The following CCDC81 variants were observed in gnomAD, a reference collection of about 807,000 sequenced individuals.
CCDC81 encodes the protein coiled-coil domain containing 81.
In CCDC81, 79 loss-of-function variants were observed where a neutral mutation model predicts 83.7. That is an observed-to-expected ratio of 0.94 (90% CI 0.79 to 1.14). CCDC81 has a LOEUF of 1.14. Ranked by LOEUF, CCDC81 falls within the 50% of genes most tolerant of loss-of-function variation. The pLI, the probability that CCDC81 is intolerant of heterozygous loss-of-function variation, is 0.00. For missense variants in CCDC81, 791 were observed against 778.1 expected, an observed-to-expected ratio of 1.02 and a Z score of -0.20; for synonymous variants, 252 against 278.1, an observed-to-expected ratio of 0.91 and a Z score of 0.93.
chr11:86,415,423 G>A (rs1393956118), intron 13 of CCDC81, 110 bp downstream of exon 13: 1 of 806,092 alleles, frequency 1.2e-6, no homozygotes, highest in African/African-American at 1.7e-5. Flanking sequence ...TACAATAGTG[G>A]AGAAATAAGA....
At position 86,422,857 on chromosome 11, in the gene CCDC81, C is replaced by G. The variant is rs764348450; in HGVS notation, c.*142C>G. 4 of 819,376 alleles carry G rather than the reference C, an allele frequency of 4.9e-6. No individual in the cohort carries two copies. The highest frequency in any genetic ancestry group is 7.5e-6 in the Non-Finnish European group (4 of 531,884). 50.8% of individuals were successfully genotyped at this position (819,376 alleles called of 1,614,324 possible). On this transcript the variant is annotated 3_prime_UTR_variant, in exon 15 of 15. Coordinates refer to ENST00000445632, the MANE Select transcript of CCDC81 (RefSeq NM_001156474.2). ...TGCTTTCATTAGATTGCTTGTTAAG[C>G]CCTTATTGAATTCACTCCTGCTTTC... is the stretch of plus-strand genomic sequence containing the variant.
chr11:86,375,792 T>C (rs1948091130), intron 1 of CCDC81, among the ~76,000 whole-genome samples: 3 of 152,198 alleles, frequency 2.0e-5, no homozygotes, highest in Non-Finnish European at 4.4e-5. Flanking sequence ...GCATCGTTTG[T>C]AGAAGAGTCA....
chr11:86,385,439 C>A (rs1948229315), intron 1 of CCDC81, among the ~76,000 whole-genome samples: 1 of 152,036 alleles, frequency 6.6e-6, no homozygotes, highest in South Asian at 2.1e-4. Flanking sequence ...TTCCAGAACA[C>A]AGTAGATAAG....
chr11:86,388,062 C>T (rs1011714272), intron 3 of CCDC81, among the ~76,000 whole-genome samples: 2 of 152,158 alleles, frequency 1.3e-5, no homozygotes, highest in African/African-American at 4.8e-5. Flanking sequence ...AGATAACTGT[C>T]TTTCTATCAT....
intron 6 of CCDC81, among the ~76,000 whole-genome samples, chr11:86,399,278 C>T (rs897153597): frequency 6.6e-6 from 1 of 152,332 alleles, no homozygotes; most frequent in Admixed American, 6.5e-5. Context: ...TCATCTCCCA[C>T]TGTGCCCTAT....
chr11:86,386,767 A>T (rs1297801987), intron 2 of CCDC81, among the ~76,000 whole-genome samples: 1 of 152,166 alleles, frequency 6.6e-6, no homozygotes, highest in African/African-American at 2.4e-5. Flanking sequence ...AAAATCATAT[A>T]ATGTTTTGGA....
Position 86,415,264 on chromosome 11 carries a change from C to A in CCDC81, c.1642C>A (p.Leu548Ile), listed in dbSNP as rs1333943687. The A allele has an allele frequency of 1.2e-6, 2 of 1,614,178 alleles. No homozygotes were observed. The highest frequency in any genetic ancestry group is 2.2e-5 in the South Asian group (2 of 91,080). Residue 548 changes from leucine (L) to isoleucine (I), a missense_variant, in exon 13 of 15, where the codon CTA becomes ATA. By Grantham distance (5) the Leu-to-Ile change is conservative. Coordinates refer to ENST00000445632, the MANE Select transcript of CCDC81 (RefSeq NM_001156474.2). The stretch of plus-strand genomic sequence containing the variant: ...CAAGAGGAAAGCCATCCTGCATCAA[C>A]TAGTGGACCAGAGGCGGGATTTGCA... ...NHKRKAILHQ[L>I]VDQRRDLQML...
chr11:86,418,864 G>GT (rs894109885), intron 13 of CCDC81, among the ~76,000 whole-genome samples: 1 of 151,468 alleles, frequency 6.6e-6, no homozygotes, highest in Non-Finnish European at 1.5e-5. Context: ...TTTGTTATGT[G>GT]TTTTTTTAAA....
chr11:86,395,279 G>C (rs1948389257), intron 4 of CCDC81, 55 bp from the exon 5 acceptor site: 6 of 1,423,296 alleles, frequency 4.2e-6, no homozygotes, highest in Non-Finnish European at 5.9e-6. Flanking sequence ...TTTTTAATTT[G>C]TCTGAGTCCT....
chr11:86,412,246 C>G (rs976586439), intron 10 of CCDC81, 141 bp from the exon 11 acceptor site: 1 of 642,282 alleles, frequency 1.6e-6, no homozygotes. Flanking sequence ...TGTGTTACCT[C>G]AACACCAGCT....
intron 1 of CCDC81, among the ~76,000 whole-genome samples, chr11:86,378,873 C>G (rs1948134831): frequency 6.6e-6 from 1 of 152,096 alleles, no homozygotes; most frequent in Non-Finnish European, 1.5e-5. Flanking sequence ...GATTGGGTTT[C>G]TTTTAGACAA....
intron 10 of CCDC81, among the ~76,000 whole-genome samples, chr11:86,410,925 C>T (rs1948634042): frequency 6.6e-6 from 1 of 152,208 alleles, no homozygotes; most frequent in Non-Finnish European, 1.5e-5. Flanking sequence ...TTTAATGTTG[C>T]CACACTGAAA....
rs545045634 is a variant in CCDC81 at position 86,386,092 on chromosome 11, C to T, written c.121C>T (p.Arg41Trp). The T allele has an allele frequency of 1.2e-4, 178 of 1,488,730 alleles. 2 individuals carry two copies. In the South Asian group the frequency reaches 1.4e-3, roughly 12 times the overall value. The allele number at this position is 1,488,730 out of a possible 1,614,324, so 92.2% of individuals were successfully genotyped here. The change falls in exon 2 of 15, where the codon CGG (arginine) becomes TGG (tryptophan). Residue 41 changes from arginine to tryptophan, a missense_variant. Arg to Trp is a moderately radical substitution (Grantham distance 101). Transcript: ENST00000445632. ...IWGNVSEFVRRQLTLHKGVQI... is the reference protein window; with the variant it reads ...IWGNVSEFVRWQLTLHKGVQI... The stretch of plus-strand genomic sequence containing the variant: ...GGGGAATGTATCAGAATTTGTGAGA[C>T]GGCAGTTAACCCTGCACAAGGTAAG...
Position 86,422,617 on chromosome 11 carries a change from C to A in CCDC81, c.1861C>A (p.Arg621=). The change falls in exon 15 of 15, where the codon CGG becomes AGG. Residue 621 remains arginine (R), a synonymous_variant. Transcript: ENST00000445632. The part of the protein sequence containing the change: ...LFLLDQCEKY[R]RCKQCQRRTS... ...TCTCCTAGACCAGTGTGAGAAGTATCGGCGCTGCAAGCAATGCCAGAGGCG... is the reference window on the plus strand; with the variant it reads ...TCTCCTAGACCAGTGTGAGAAGTATAGGCGCTGCAAGCAATGCCAGAGGCG... 1 of 1,613,860 alleles carries A rather than the reference C, an allele frequency of 6.2e-7. No individual in the cohort carries two copies.
rs781043212 is a variant in CCDC81 at position 86,422,541 on chromosome 11, C to A, written c.1818-33C>A. The stretch of plus-strand genomic sequence containing the variant: ...GTTGGGCCTCCAGGAACTCCAGGAA[C>A]CTGCTGATCGGCATTTGCTCTCCTC... On this transcript the variant is annotated intron_variant, in intron 14 of 14. Coordinates refer to ENST00000445632, the MANE Select transcript of CCDC81 (RefSeq NM_001156474.2). 3 of 1,596,184 alleles carry A rather than the reference C, an allele frequency of 1.9e-6. No individual in the cohort carries two copies. The Admixed American group carries it at 5.1e-5, about 27-fold the overall frequency.
rs571689004 is a variant in CCDC81 at position 86,402,796 on chromosome 11, T to C, written c.881+1995T>C. 1.4e-4 allele frequency among the ~76,000 whole-genome samples: 22 copies of C among 152,224 alleles called. No homozygotes were observed. In the South Asian group the frequency reaches 4.6e-3, roughly 32 times the overall value. The stretch of plus-strand genomic sequence containing the variant: ...GCAAAGTGAAATGATGGTATTTCAT[T>C]ATTGTTTTTAACCTATGTTTGTTTG... On this transcript the variant is annotated intron_variant, in intron 7 of 14. Coordinates refer to ENST00000445632, the MANE Select transcript of CCDC81 (RefSeq NM_001156474.2).
At chr11:86,388,036 G>A (rs1304292028) in intron 3 of CCDC81, among the ~76,000 whole-genome samples, 1 of 152,184 alleles carries the variant, frequency 6.6e-6, no homozygotes, top group African/African-American at 2.4e-5. Context: ...ACTACAGTCA[G>A]TATCAGCTGT....
In CCDC81 at chr11:86,374,964, G is replaced by C. The variant is rs981114673; in HGVS notation, c.-200G>C. Reference sequence around the variant, plus strand: ...AGCCAGAGCAGTGGGGAGGGACGGCGAGAACCAATGTTTAAGTTTATTTAA... The same window carrying C: ...AGCCAGAGCAGTGGGGAGGGACGGCCAGAACCAATGTTTAAGTTTATTTAA... On this transcript the variant is annotated 5_prime_UTR_variant, in exon 1 of 15. Coordinates refer to ENST00000445632, the MANE Select transcript of CCDC81 (RefSeq NM_001156474.2). 2.6e-5 allele frequency: 15 copies of C among 575,376 alleles called. No homozygotes were observed. The highest frequency in any genetic ancestry group is 1.5e-4 in the Admixed American group (6 of 38,964). 35.6% of individuals were successfully genotyped at this position (575,376 alleles called of 1,614,324 possible). A position where few individuals can be genotyped will look rare whatever the true frequency, so the allele number is the denominator to read the frequency against.
intron 1 of CCDC81, among the ~76,000 whole-genome samples, chr11:86,383,902 T>C (rs1376743959): frequency 6.6e-6 from 1 of 152,234 alleles, no homozygotes; most frequent in Non-Finnish European, 1.5e-5. Flanking sequence ...GTTCTGCTCT[T>C]ATGTAATGTT....
Sources: allele counts gnomAD v4.1 joint callset (sites outside exome capture counted in the v4.1 genomes callset), GRCh38; gene constraint gnomAD v4.1.1; transcripts MANE v1.5; gene names NCBI Gene and HGNC (gene_info 2026-07-23, HGNC 2026-07-21).